The following CEP43 variants were observed in gnomAD, a reference collection of about 807,000 sequenced individuals.
CEP43 encodes centrosomal protein 43.
CEP43 carries 36 observed loss-of-function variants against 52.6 expected under a neutral mutation model. That is an observed-to-expected ratio of 0.68 (90% CI 0.52 to 0.90). The LOEUF (loss-of-function observed/expected upper bound fraction) is 0.90. Among genes scored for constraint, CEP43 ranks in the 40% least tolerant of loss-of-function variants. The pLI, the probability that CEP43 is intolerant of heterozygous loss-of-function variation, is 0.00. For synonymous variants in CEP43, 192 were observed against 172.4 expected, an observed-to-expected ratio of 1.11 and a Z score of -0.89; for missense variants, 506 against 472.8, an observed-to-expected ratio of 1.07 and a Z score of -0.65.
chr6:167,000,208 T>C, intron 2 of CEP43, 95 bp downstream of exon 2: 3 of 920,762 alleles, frequency 3.3e-6, no homozygotes, highest in South Asian at 1.5e-5. Context: ...TAGTAACATA[T>C]AGCTAGGGAT....
intron 7 of CEP43, among the ~76,000 whole-genome samples, chr6:167,018,453 C>T (rs934542667): frequency 1.2e-4 from 18 of 151,866 alleles, no homozygotes; most frequent in Non-Finnish European, 1.8e-4. Flanking sequence ...GCAGTGGCGG[C>T]GATTACAGCT....
At position 167,043,614 on chromosome 6, in the gene CEP43, C is replaced by A. The variant is rs1343326505; in HGVS notation, c.*3636C>A. ...GCCAGGCTGGTCTCAAACTCCTGAC[C>A]TCAGGTGATCCACCCGCCTCAGCCT... On this transcript the variant is annotated 3_prime_UTR_variant, in exon 13 of 13. Transcript: ENST00000366847. 1 of 152,082 alleles carries A rather than the reference C, an allele frequency of 6.6e-6. No homozygotes were observed. Among genetic ancestry groups the A allele is most frequent in the African/African-American group, 2.4e-5 (1 of 41,456 alleles). 9.4% of individuals were successfully genotyped at this position (152,082 alleles called of 1,614,324 possible).
intron 2 of CEP43, among the ~76,000 whole-genome samples, chr6:167,001,503 C>T (rs559277872): frequency 6.6e-6 from 1 of 152,316 alleles, no homozygotes; most frequent in South Asian, 2.1e-4. Flanking sequence ...GACTTATCCA[C>T]AGTTGTCATT....
intron 5 of CEP43, among the ~76,000 whole-genome samples, chr6:167,007,050 C>T (rs1038796656): frequency 3.3e-5 from 5 of 152,136 alleles, no homozygotes; most frequent in Non-Finnish European, 7.4e-5. Context: ...CCTGTGACTC[C>T]TTGGTTTCAT....
In CEP43 at chr6:167,003,821, A is replaced by T. The variant is rs757870467; in HGVS notation, c.300+10A>T. 1 of 1,535,000 alleles carries T rather than the reference A, an allele frequency of 6.5e-7. No homozygotes were observed. Among genetic ancestry groups the T allele is most frequent in the Non-Finnish European group, 9.0e-7 (1 of 1,111,136 alleles). ...ACCTGAAACTAGCACAGTAAGAATA[A>T]TGATTTTTACATCTATCTTTTGAAA... On this transcript the variant is annotated intron_variant, in intron 4 of 12. Transcript: ENST00000366847.
intron 12 of CEP43, among the ~76,000 whole-genome samples, chr6:167,039,213 T>C (rs771157718): frequency 2.6e-5 from 4 of 152,086 alleles, no homozygotes; most frequent in Non-Finnish European, 5.9e-5. Context: ...CACTCCAACC[T>C]CTGCCTCCTG....
At position 167,046,878 on chromosome 6, in the gene CEP43, CT is replaced by C. The variant is rs1780807279; in HGVS notation, c.*6902del. ...TGGCAAGTTACTCTTGCAATTCTAG[CT>C]TCCAGCAGGCGTTGATTTCTGGGGC... On this transcript the variant is annotated 3_prime_UTR_variant, in exon 13 of 13. Coordinates refer to ENST00000366847, the MANE Select transcript of CEP43 (RefSeq NM_007045.4). The C allele has an allele frequency of 6.6e-6, 1 of 152,288 alleles. No individual in the cohort carries two copies. Among genetic ancestry groups the C allele is most frequent in the Admixed American group, 6.5e-5 (1 of 15,290 alleles). 9.4% of individuals were successfully genotyped at this position (152,288 alleles called of 1,614,324 possible). A position where few individuals can be genotyped will look rare whatever the true frequency, so the allele number is the denominator to read the frequency against.
chr6:167,031,204 C>A (rs1054188761), intron 10 of CEP43, among the ~76,000 whole-genome samples: 1 of 152,154 alleles, frequency 6.6e-6, no homozygotes, highest in South Asian at 2.1e-4. Context: ...TACAGATGTG[C>A]GTCACTGCTC....
Position 167,000,046 on chromosome 6 carries a change from A to C in CEP43, c.103-14A>C. On this transcript the variant is annotated splice_polypyrimidine_tract_variant and intron_variant, in intron 1 of 12. Transcript: ENST00000366847. ...TTGAAATTATAATTTCCTGTTTCTTAACTTTTTTTTAAGGCTGAACTCCGA... is the reference window on the plus strand; with the variant it reads ...TTGAAATTATAATTTCCTGTTTCTTCACTTTTTTTTAAGGCTGAACTCCGA... 2 of 1,604,228 alleles carry C rather than the reference A, an allele frequency of 1.2e-6. No homozygotes were observed. Among genetic ancestry groups the C allele is most frequent in the Middle Eastern group, 1.7e-4 (1 of 6,038 alleles).
intron 10 of CEP43, among the ~76,000 whole-genome samples, chr6:167,029,099 T>C (rs1780413847): frequency 6.6e-6 from 1 of 152,246 alleles, no homozygotes. Context: ...TTTAACAATC[T>C]TTAAAAATGT....
intron 7 of CEP43, 44 bp downstream of exon 7, chr6:167,013,611 C>T: frequency 6.5e-7 from 1 of 1,529,370 alleles, no homozygotes; most frequent in Non-Finnish European, 9.0e-7. Flanking sequence ...CTGTGGGCAT[C>T]AGGTCTCGAC....
chr6:167,006,587 G>A (rs983122676), intron 5 of CEP43, among the ~76,000 whole-genome samples: 1 of 151,916 alleles, frequency 6.6e-6, no homozygotes, highest in Non-Finnish European at 1.5e-5. Context: ...TATTTATATA[G>A]CATTTACATT....
At chr6:167,025,986 T>C (rs1289960381) in intron 9 of CEP43, among the ~76,000 whole-genome samples, 2 of 152,214 alleles carry the variant, frequency 1.3e-5, no homozygotes, top group Non-Finnish European at 2.9e-5. Flanking sequence ...CTAACAGGGC[T>C]GTTTATGGAA....
At position 167,017,007 on chromosome 6, in the gene CEP43, T is replaced by C. The variant is rs162285; in HGVS notation, c.579+3440T>C. 2.3e-3 allele frequency among the ~76,000 whole-genome samples: 352 copies of C among 150,238 alleles called. 2 individuals carry two copies. The highest frequency in any genetic ancestry group is 8.2e-3 in the African/African-American group (332 of 40,676). On this transcript the variant is annotated intron_variant, in intron 7 of 12. Coordinates refer to ENST00000366847, the MANE Select transcript of CEP43 (RefSeq NM_007045.4). ...ATTTATTTATTTTTTTTTTTTTTTA[T>C]TTTTTTGAGATGGAGTCTCTCTCTG...
intron 10 of CEP43, 124 bp downstream of exon 10, chr6:167,026,739 T>G: frequency 1.5e-6 from 1 of 655,214 alleles, no homozygotes; most frequent in Admixed American, 2.6e-5. Flanking sequence ...ATTCAGCAGG[T>G]GTTTGAATGG....
chr6:167,003,348 A>G (rs1779780718), intron 3 of CEP43, 101 bp downstream of exon 3: 3 of 627,950 alleles, frequency 4.8e-6, no homozygotes, highest in Non-Finnish European at 8.3e-6. Context: ...TTTTGTCTTC[A>G]ATTGTTATAG....
chr6:167,022,930 C>G (rs1261734850), intron 8 of CEP43, among the ~76,000 whole-genome samples: 1 of 152,076 alleles, frequency 6.6e-6, no homozygotes, highest in Admixed American at 6.5e-5. Context: ...TCAGGAAGCT[C>G]ATGCTCTGGT....
Position 167,013,398 on chromosome 6 carries a change from G to C in CEP43, c.520-110G>C. On this transcript the variant is annotated intron_variant, in intron 6 of 12. Coordinates refer to ENST00000366847, the MANE Select transcript of CEP43 (RefSeq NM_007045.4). ...GCCTCACAGAACATATTAACTAGAT[G>C]TTCCACTTCTGAGACATTTTTCAGT... The C allele has an allele frequency of 6.1e-6, 5 of 823,510 alleles. No homozygotes were observed. The South Asian group carries it at 8.4e-5, about 14-fold the overall frequency. 51.0% of individuals were successfully genotyped at this position (823,510 alleles called of 1,614,324 possible). A position where few individuals can be genotyped will look rare whatever the true frequency, so the allele number is the denominator to read the frequency against.
intron 7 of CEP43, among the ~76,000 whole-genome samples, chr6:167,015,694 A>G (rs1342680754): frequency 1.3e-5 from 2 of 152,204 alleles, no homozygotes; most frequent in African/African-American, 4.8e-5. Flanking sequence ...GGAGGCGACA[A>G]GTACTAGTGG....
Sources: gnomAD v4.1 joint callset for allele counts (sites outside exome capture counted in the v4.1 genomes callset) on GRCh38, gnomAD v4.1.1 for gene constraint, MANE v1.5 for transcripts, NCBI Gene and HGNC (gene_info 2026-07-23, HGNC 2026-07-21) for gene names.